Variants in PTPRT observed in about 807,000 individuals in gnomAD.
The protein encoded by PTPRT is receptor-type tyrosine-protein phosphatase T.
PTPRT carries 56 observed loss-of-function variants against 176.8 expected under a neutral mutation model. That is an observed-to-expected ratio of 0.32 (90% CI 0.26 to 0.40). The LOEUF is 0.40. Ranked by LOEUF, PTPRT falls within the 10% of genes least tolerant of loss-of-function variation. PTPRT has a pLI of 1.00. For synonymous variants in PTPRT, 783 were observed against 739.0 expected, an observed-to-expected ratio of 1.06 and a Z score of -0.96; for missense variants, 1,540 against 1,908.2, an observed-to-expected ratio of 0.81 and a Z score of 3.60.
At chr20:42,520,768 T>A (rs940116923) in intron 7 of PTPRT, among the ~76,000 whole-genome samples, 10 of 151,588 alleles carry the variant, frequency 6.6e-5, no homozygotes, top group African/African-American at 2.4e-4. Flanking sequence ...TATCATTCTT[T>A]CCAGGGCTTG....
chr20:42,419,064 T>C (rs1041498448), intron 9 of PTPRT, among the ~76,000 whole-genome samples: 8 of 152,134 alleles, frequency 5.3e-5, no homozygotes, highest in Non-Finnish European at 2.9e-5. Context: ...AATGAATGAA[T>C]GGGTTGATTT....
At chr20:42,246,508 T>A (rs2056453568) in intron 14 of PTPRT, among the ~76,000 whole-genome samples, 1 of 152,150 alleles carries the variant, frequency 6.6e-6, no homozygotes, top group African/African-American at 2.4e-5. Flanking sequence ...TTGATAGACA[T>A]GAGAGTTGAT....
intron 1 of PTPRT, among the ~76,000 whole-genome samples, chr20:43,118,490 T>A (rs2013138517): frequency 6.6e-6 from 1 of 152,098 alleles, no homozygotes; most frequent in Non-Finnish European, 1.5e-5. Context: ...CAGGCTGGAG[T>A]GTACAGTGGC....
intron 7 of PTPRT, among the ~76,000 whole-genome samples, chr20:42,614,868 C>G (rs549280974): frequency 6.6e-6 from 1 of 151,154 alleles, no homozygotes; most frequent in East Asian, 1.9e-4. Flanking sequence ...GATAGGTGGT[C>G]TCAGGCAAAG....
At chr20:42,054,541 A>C in the PTPRT span, among the ~76,000 whole-genome samples, 7 of 152,178 alleles carry the variant, frequency 4.6e-5, no homozygotes, top group Non-Finnish European at 1.0e-4. Flanking sequence ...GCTCTCTGGA[A>C]TCCTGCATTT....
intron 7 of PTPRT, among the ~76,000 whole-genome samples, chr20:42,524,726 T>C (rs913099379): frequency 2.0e-5 from 3 of 152,198 alleles, no homozygotes; most frequent in African/African-American, 7.2e-5. Context: ...TCCTTCAGTT[T>C]CTACTTACAG....
chr20:42,131,196 T>C (rs897912080), intron 18 of PTPRT, among the ~76,000 whole-genome samples: 4 of 152,328 alleles, frequency 2.6e-5, no homozygotes, highest in African/African-American at 9.6e-5. Flanking sequence ...TGCAGGATTC[T>C]AGCCCCAGAG....
chr20:42,309,713 G>C (rs1171987612), intron 12 of PTPRT, among the ~76,000 whole-genome samples: 2 of 152,070 alleles, frequency 1.3e-5, no homozygotes, highest in East Asian at 3.9e-4. Flanking sequence ...ACAGTTCATA[G>C]TCTCATTCTT....
At chr20:43,043,578 CACAGCCTACAT>C (rs1448436304) in intron 1 of PTPRT, among the ~76,000 whole-genome samples, 12 of 152,270 alleles carry the variant, frequency 7.9e-5, no homozygotes, top group Admixed American at 7.8e-4. Flanking sequence ...CCTAAGGTTA[CACAGCCTACAT>C]GCAGCCAACC....
chr20:43,027,712 T>C (rs1389955540), intron 1 of PTPRT, among the ~76,000 whole-genome samples: 1 of 152,104 alleles, frequency 6.6e-6, no homozygotes. Flanking sequence ...AGAAAATACA[T>C]TTCTGTTGTT....
chr20:42,035,446 T>C, the PTPRT span, among the ~76,000 whole-genome samples: 3 of 152,178 alleles, frequency 2.0e-5, no homozygotes, highest in Non-Finnish European at 4.4e-5. Context: ...ATGGGAAAGG[T>C]AGCATCAATA....
chr20:42,043,543 G>C, the PTPRT span, among the ~76,000 whole-genome samples: 1 of 152,168 alleles, frequency 6.6e-6, no homozygotes, highest in Non-Finnish European at 1.5e-5. Context: ...GACTCATGAG[G>C]TCACATATTC....
At chr20:42,416,162 T>C (rs763919978) in intron 9 of PTPRT, among the ~76,000 whole-genome samples, 6 of 152,134 alleles carry the variant, frequency 3.9e-5, no homozygotes, top group Non-Finnish European at 7.4e-5. Flanking sequence ...CAAGTGTCCT[T>C]ATAAATGGAG....
At chr20:43,088,333 G>GGCGTGTGTGT (rs1478715742) in intron 1 of PTPRT, among the ~76,000 whole-genome samples, 4 of 142,758 alleles carry the variant, frequency 2.8e-5, no homozygotes, top group African/African-American at 1.0e-4. Flanking sequence ...TTTGCTTTGG[G>GGCGTGTGTGT]GTGTGTGTGT....
At chr20:42,558,430 T>C (rs1282888492) in intron 7 of PTPRT, among the ~76,000 whole-genome samples, 1 of 152,156 alleles carries the variant, frequency 6.6e-6, no homozygotes, top group Non-Finnish European at 1.5e-5. Context: ...GCAATGAACA[T>C]ACACATGTAT....
intron 26 of PTPRT, among the ~76,000 whole-genome samples, chr20:42,101,796 C>T (rs1007743039): frequency 5.3e-5 from 8 of 152,240 alleles, no homozygotes; most frequent in African/African-American, 1.9e-4. Context: ...ACCTGCTTTA[C>T]TAAACTTCAG....
intron 7 of PTPRT, among the ~76,000 whole-genome samples, chr20:42,550,927 GAA>G (rs1162536732): frequency 1.3e-5 from 2 of 152,118 alleles, no homozygotes; most frequent in Non-Finnish European, 2.9e-5. Flanking sequence ...AGGCTTCTTT[GAA>G]AAGATACAGG....
intron 12 of PTPRT, among the ~76,000 whole-genome samples, chr20:42,295,876 C>T (rs2057379162): frequency 6.6e-6 from 1 of 152,172 alleles, no homozygotes; most frequent in Non-Finnish European, 1.5e-5. Context: ...TTATAAGGGG[C>T]TCTAGTTCCT....
intron 2 of PTPRT, among the ~76,000 whole-genome samples, chr20:42,872,599 G>C (rs1480348768): frequency 6.6e-6 from 1 of 152,126 alleles, no homozygotes; most frequent in Non-Finnish European, 1.5e-5. Context: ...CCAATGTTTT[G>C]TTTTATAAAT....
Sources: allele counts gnomAD v4.1 joint callset (sites outside exome capture counted in the v4.1 genomes callset), GRCh38; gene constraint gnomAD v4.1.1; transcripts MANE v1.5; gene names NCBI Gene and HGNC (gene_info 2026-07-23, HGNC 2026-07-21).